APLF: variants seen among roughly 807,000 people sequenced by gnomAD.
APLF encodes the protein aprataxin and PNK-like factor.
APLF carries 61 observed loss-of-function variants against 55.6 expected under a neutral mutation model. That is an observed-to-expected ratio of 1.10 (90% CI 0.89 to 1.36). The LOEUF (loss-of-function observed/expected upper bound fraction) is 1.36, where lower values mean the gene tolerates loss of function less well. APLF is among the 40% of genes most tolerant of loss of function. The pLI is 0.00. For synonymous variants in APLF, 207 were observed against 214.8 expected (o/e 0.96, Z 0.32); for missense variants, 611 against 602.5 (o/e 1.01, Z -0.15).
At chr2:68,488,329 CTTTT>C (rs60462016) in intron 1 of APLF, among the ~76,000 whole-genome samples, 7 of 128,856 alleles carry the variant, frequency 5.4e-5, no homozygotes, top group Admixed American at 7.8e-5. Context: ...CATTTATTAT[CTTTT>C]TTTTTTTTTT....
Position 68,526,112 on chromosome 2 carries a change from A to G in APLF, c.674A>G (p.Gln225Arg), listed in dbSNP as rs1176463893. 6.2e-7 allele frequency: 1 copy of G among 1,613,928 alleles called. No homozygotes were observed. The highest frequency in any genetic ancestry group is 1.3e-5 in the African/African-American group (1 of 75,050). ...GAAGAAATCTGCAAAGATAAATCCC[A>G]GCTAAACACAACCCAGCAAGGAAGA... ...GKEEICKDKS[Q>R]LNTTQQGRRQ... The change falls in exon 6 of 10, where the codon CAG (glutamine) becomes CGG (arginine). Residue 225 changes from glutamine to arginine, a missense_variant. Gln to Arg is a conservative substitution (Grantham distance 43). Coordinates refer to ENST00000303795, the MANE Select transcript of APLF (RefSeq NM_173545.3).
chr2:68,505,654 T>G (rs1676853393), intron 3 of APLF, among the ~76,000 whole-genome samples: 1 of 151,968 alleles, frequency 6.6e-6, no homozygotes, highest in Admixed American at 6.6e-5. Context: ...AGGATACAAA[T>G]TAACAGCCAG....
rs557765857 is a variant in APLF at position 68,533,306 on chromosome 2, A to G, written c.805-4566A>G. The stretch of plus-strand genomic sequence containing the variant: ...TGTGATATTCTGTTATCACAGCTAC[A>G]AAACAGACTATGTATTTCCTTTATA... On this transcript the variant is annotated intron_variant, in intron 6 of 9. Coordinates refer to ENST00000303795, the MANE Select transcript of APLF (RefSeq NM_173545.3). 5.9e-5 allele frequency among the ~76,000 whole-genome samples: 9 copies of G among 152,364 alleles called. No individual in the cohort carries two copies. In the South Asian group the frequency reaches 1.9e-3, roughly 32 times the overall value.
intron 1 of APLF, among the ~76,000 whole-genome samples, chr2:68,471,038 C>G (rs900564269): frequency 1.3e-5 from 2 of 152,190 alleles, no homozygotes; most frequent in Non-Finnish European, 2.9e-5. Context: ...TCTTCCCTTA[C>G]GTTTCTTTTA....
At chr2:68,543,285 T>A (rs1021110942) in intron 7 of APLF, among the ~76,000 whole-genome samples, 1 of 152,138 alleles carries the variant, frequency 6.6e-6, no homozygotes, top group Non-Finnish European at 1.5e-5. Context: ...TACTTAACAT[T>A]ACTGAACTGT....
At chr2:68,518,557 G>GTATCATGAATATATAATATATCAATAATA (rs1669742419) in intron 5 of APLF, among the ~76,000 whole-genome samples, 10 of 90,188 alleles carry the variant, frequency 1.1e-4, no homozygotes, top group African/African-American at 5.2e-4. Flanking sequence ...TATCAATAAT[G>GTATCATGAATATATAATATATCAATAATA]TATCATGAAT....
At chr2:68,526,459 G>T (rs769413157) in intron 6 of APLF, among the ~76,000 whole-genome samples, 1 of 152,136 alleles carries the variant, frequency 6.6e-6, no homozygotes, top group Non-Finnish European at 1.5e-5. Flanking sequence ...TATGGCGACC[G>T]CCACGGAGCA....
chr2:68,575,590 G>A (rs1429058670), intron 9 of APLF, among the ~76,000 whole-genome samples: 1 of 151,894 alleles, frequency 6.6e-6, no homozygotes, highest in Non-Finnish European at 1.5e-5. Context: ...GAGTGGATGT[G>A]ATCAGAAGTG....
chr2:68,518,296 A>C (rs1187630750), intron 5 of APLF, among the ~76,000 whole-genome samples: 3 of 115,224 alleles, frequency 2.6e-5, no homozygotes, highest in East Asian at 2.5e-4. Flanking sequence ...TTAATATATT[A>C]ATATATTATA....
At chr2:68,510,239 AAAAG>A (rs1308159603) in intron 3 of APLF, among the ~76,000 whole-genome samples, 1 of 151,904 alleles carries the variant, frequency 6.6e-6, no homozygotes, top group African/African-American at 2.4e-5. Flanking sequence ...AATATACAAA[AAAAG>A]AAAGTGAAAA....
chr2:68,534,541 C>T (rs1573232102), intron 6 of APLF, among the ~76,000 whole-genome samples: 1 of 152,106 alleles, frequency 6.6e-6, no homozygotes, highest in Non-Finnish European at 1.5e-5. Flanking sequence ...GAGAAGTTAA[C>T]CGGCTATTTT....
chr2:68,525,469 A>G (rs1162418769), intron 5 of APLF, among the ~76,000 whole-genome samples: 1 of 152,182 alleles, frequency 6.6e-6, no homozygotes, highest in Admixed American at 6.5e-5. Flanking sequence ...GATAGTTTAC[A>G]TATCTTACTT....
At chr2:68,509,195 G>A (rs1366130553) in intron 3 of APLF, among the ~76,000 whole-genome samples, 1 of 151,952 alleles carries the variant, frequency 6.6e-6, no homozygotes, top group African/African-American at 2.4e-5. Context: ...CAAAAGCAAT[G>A]GTAACAAAAG....
At chr2:68,477,865 A>G (rs1320373210) in intron 1 of APLF, among the ~76,000 whole-genome samples, 1 of 152,150 alleles carries the variant, frequency 6.6e-6, no homozygotes, top group Non-Finnish European at 1.5e-5. Context: ...AGACTTATTT[A>G]CTACCCTGAG....
intron 1 of APLF, among the ~76,000 whole-genome samples, chr2:68,477,271 C>T (rs973134728): frequency 6.6e-5 from 10 of 152,246 alleles, no homozygotes; most frequent in East Asian, 3.9e-4. Flanking sequence ...TATCTGCTTA[C>T]GACAACGTGT....
At chr2:68,550,306 T>C (rs1670822094) in intron 8 of APLF, among the ~76,000 whole-genome samples, 1 of 152,040 alleles carries the variant, frequency 6.6e-6, no homozygotes, top group Non-Finnish European at 1.5e-5. Context: ...ATCTCGGCTC[T>C]CTGCAATCTC....
intron 5 of APLF, among the ~76,000 whole-genome samples, chr2:68,518,101 T>G (rs966368504): frequency 7.6e-6 from 1 of 131,956 alleles, no homozygotes; most frequent in South Asian, 2.3e-4. Flanking sequence ...TATATTAATA[T>G]ATAATATATC....
intron 8 of APLF, among the ~76,000 whole-genome samples, chr2:68,547,531 A>T (rs1670740502): frequency 6.6e-6 from 1 of 151,790 alleles, no homozygotes; most frequent in Non-Finnish European, 1.5e-5. Flanking sequence ...ACAGAATGGT[A>T]CTTCAAAATA....
chr2:68,527,150 G>A (rs1220204862), intron 6 of APLF, among the ~76,000 whole-genome samples: 3 of 151,042 alleles, frequency 2.0e-5, no homozygotes, highest in Admixed American at 2.0e-4. Context: ...GCCGGGCAGA[G>A]GTGCTCCTCA....
Sources: allele counts gnomAD v4.1 joint callset (sites outside exome capture counted in the v4.1 genomes callset), GRCh38; gene constraint gnomAD v4.1.1; transcripts MANE v1.5; gene names NCBI Gene and HGNC (gene_info 2026-07-23, HGNC 2026-07-21).